Variants in RGL4 observed in about 807,000 individuals in gnomAD.
RGL4 encodes the protein ral guanine nucleotide dissociation stimulator like 4.
RGL4 carries 41 observed loss-of-function variants against 49.6 expected under a neutral mutation model. The observed-to-expected ratio is 0.83, with a 90% CI of 0.64 to 1.07. The LOEUF is 1.07. RGL4 is among the 50% of genes least tolerant of loss of function. The pLI is 0.00. For missense variants in RGL4, 610 were observed against 591.9 expected, an observed-to-expected ratio of 1.03 and a Z score of -0.32; for synonymous variants, 255 against 238.0, an observed-to-expected ratio of 1.07 and a Z score of -0.66.
chr22:23,698,713 G>A (rs1004637763), intron 10 of RGL4, 131 bp from the exon 11 acceptor site: 20 of 1,204,672 alleles, frequency 1.7e-5, no homozygotes, highest in Non-Finnish European at 2.2e-5. Flanking sequence ...CTATGGCCAT[G>A]CCTCCACGGC....
In RGL4 at chr22:23,699,048, G is replaced by C. The variant is rs1923727859; in HGVS notation, c.*165G>C. The C allele has an allele frequency of 6.5e-7, 1 of 1,545,556 alleles. No individual in the cohort carries two copies. Among genetic ancestry groups the C allele is most frequent in the Admixed American group, 2.0e-5 (1 of 50,958 alleles). ...TCCTCATCACCAACTGCTCCTGCTG[G>C]CCAGGATCAGGCCATGGGACTTTTG... On this transcript the variant is annotated 3_prime_UTR_variant, in exon 11 of 11. Coordinates refer to ENST00000290691, the MANE Select transcript of RGL4 (RefSeq NM_153615.2).
intron 9 of RGL4, 31 bp from the exon 10 acceptor site, chr22:23,698,181 G>C (rs755093884): frequency 6.3e-7 from 1 of 1,588,040 alleles, no homozygotes; most frequent in Non-Finnish European, 8.6e-7. Flanking sequence ...TTCCACCCAG[G>C]CCCTGTCAGC....
rs754676281 is a variant in RGL4, at chr22:23,692,388, A to G, written c.233A>G (p.Tyr78Cys). The G allele has an allele frequency of 6.2e-7, 1 of 1,614,222 alleles. No homozygotes were observed. Among genetic ancestry groups the G allele is most frequent in the Admixed American group, 1.7e-5 (1 of 60,036 alleles). ...CCCCCCGAAAACACTTCAGTTTACT[A>G]TCAGCCCCCGCAACGGTCATCTTTC... ...NWPPENTSVY[Y>C]QPPQRSSFRI... Residue 78 changes from tyrosine to cysteine, a missense_variant, in exon 2 of 11, where the codon TAT becomes TGT. By Grantham distance (194) the Tyr-to-Cys change is radical. Coordinates refer to ENST00000290691, the MANE Select transcript of RGL4 (RefSeq NM_153615.2).
In RGL4 at chr22:23,695,003, G is replaced by C. The variant is rs201370264; in HGVS notation, c.1070G>C (p.Arg357Thr). 175 of 1,612,416 alleles carry C rather than the reference G, an allele frequency of 1.1e-4. No individual in the cohort carries two copies. The highest frequency in any genetic ancestry group is 3.5e-4 in the Admixed American group (21 of 60,000). The part of the protein sequence containing the change: ...ELCKKDTAVK[R>T]DLLIKAGSFK... ...TGCAAAAAAGACACTGCAGTGAAGA[G>C]GGACCTACTGATCAAGGTACAGTGG... The change falls in exon 6 of 11, where the codon AGG becomes ACG. Residue 357 changes from arginine to threonine, a missense_variant. By Grantham distance (71) the Arg-to-Thr change is moderately conservative. Coordinates refer to ENST00000290691, the MANE Select transcript of RGL4 (RefSeq NM_153615.2).
At chr22:23,694,228 C>G (rs1923338826) in intron 4 of RGL4, 119 bp from the exon 5 acceptor site, 1 of 859,384 alleles carries the variant, frequency 1.2e-6, no homozygotes, top group African/African-American at 1.7e-5. Context: ...CAGGTCTGCC[C>G]TCCTGAGGCT....
chr22:23,693,370 A>G (rs1258885737), intron 3 of RGL4, among the ~76,000 whole-genome samples: 11 of 152,178 alleles, frequency 7.2e-5, no homozygotes, highest in Non-Finnish European at 1.3e-4. Context: ...ACCCAAACAG[A>G]GCCCATAGTT....
rs148165991 is a variant in RGL4, at chr22:23,694,963, G to C, written c.1030G>C (p.Glu344Gln). ...CTCTGCCCATAGCAAAAGCATGAAA[G>C]AGCTAAAAGAACTCTGCAAAAAAGA... The part of the protein sequence containing the change: ...WAGVSSKSMK[E>Q]LKELCKKDTA... Residue 344 changes from glutamate (E) to glutamine (Q), a missense_variant, in exon 6 of 11, where the codon GAG (glutamate) becomes CAG (glutamine). Coordinates refer to ENST00000290691, the MANE Select transcript of RGL4 (RefSeq NM_153615.2). The C allele has an allele frequency of 1.3e-4, 208 of 1,613,346 alleles. 1 individual carries two copies. The African/African-American group carries it at 2.1e-3, about 17-fold the overall frequency.
chr22:23,693,156 G>T, intron 3 of RGL4, 165 bp downstream of exon 3: 1 of 1,246,212 alleles, frequency 8.0e-7, no homozygotes, highest in African/African-American at 1.5e-5. Flanking sequence ...GTCTGCATGT[G>T]GACGGCAGAG....
In RGL4 at chr22:23,692,739, G is replaced by C. The variant is rs780100328; in HGVS notation, c.444G>C (p.Ala148=). ...PALEPAPPLL[A]DLGPALEPES... The stretch of plus-strand genomic sequence containing the variant: ...TGGAGCCAGCACCACCACTGCTGGC[G>C]GACCTGGGGCCTGCTCTGGAGCCAG... The change falls in exon 3 of 11, where the codon GCG becomes GCC. Residue 148 remains alanine, a synonymous_variant. Coordinates refer to ENST00000290691, the MANE Select transcript of RGL4 (RefSeq NM_153615.2). The C allele has an allele frequency of 1.2e-6, 2 of 1,613,260 alleles. No homozygotes were observed.
chr22:23,697,724 C>G, intron 8 of RGL4, 114 bp from the exon 9 acceptor site: 4 of 1,165,452 alleles, frequency 3.4e-6, no homozygotes, highest in Admixed American at 2.0e-5. Flanking sequence ...CAAGTCCTGT[C>G]GTGTGCACAT....
chr22:23,695,538 C>A, intron 6 of RGL4: 1 of 456,962 alleles, frequency 2.2e-6, no homozygotes, highest in Non-Finnish European at 4.2e-6. Flanking sequence ...GGGGGAACAA[C>A]AACAGAGGAA....
At position 23,694,945 on chromosome 22, in the gene RGL4, C is replaced by A; in HGVS notation, c.1017-5C>A. ...TTTACCCTTCTTTCTTTCCTCTGCC[C>A]ATAGCAAAAGCATGAAAGAGCTAAA... is the stretch of plus-strand genomic sequence containing the variant. On this transcript the variant is annotated splice_polypyrimidine_tract_variant and splice_region_variant and intron_variant, in intron 5 of 10. Transcript: ENST00000290691. The A allele has an allele frequency of 6.2e-7, 1 of 1,611,452 alleles. No individual in the cohort carries two copies. Among genetic ancestry groups the A allele is most frequent in the South Asian group, 1.1e-5 (1 of 90,944 alleles).
chr22:23,697,759 G>A, intron 8 of RGL4, 79 bp from the exon 9 acceptor site: 1 of 1,487,518 alleles, frequency 6.7e-7, no homozygotes, highest in Non-Finnish European at 9.2e-7. Context: ...GGCCCTGGCA[G>A]TAGTGCAGCA....
At chr22:23,697,954 A>T (rs1347959346) in intron 9 of RGL4, 93 bp downstream of exon 9, 9 of 1,448,364 alleles carry the variant, frequency 6.2e-6, no homozygotes, top group African/African-American at 1.4e-5. Context: ...CATCCTCTAC[A>T]TCTTAGGCTT....
chr22:23,698,949 A>T lies in RGL4; in HGVS notation c.*66A>T. On this transcript the variant is annotated 3_prime_UTR_variant, in exon 11 of 11. Transcript: ENST00000290691. ...CTGGCCAGAACACCGGCTCTGCACC[A>T]TCCCTCACCCAGACCGTAGACACCA... The T allele has an allele frequency of 4.4e-6, 7 of 1,591,732 alleles. No homozygotes were observed. The highest frequency in any genetic ancestry group is 5.1e-6 in the Non-Finnish European group (6 of 1,168,918).
At chr22:23,696,441 G>C (rs1273676003) in intron 6 of RGL4, 173 bp from the exon 7 acceptor site, 1 of 1,538,968 alleles carries the variant, frequency 6.5e-7, no homozygotes. Context: ...GTCTCAGGGA[G>C]GCCCGGCTGC....
chr22:23,694,032 C>T, intron 4 of RGL4, 58 bp downstream of exon 4: 1 of 1,460,120 alleles, frequency 6.8e-7, no homozygotes, highest in South Asian at 1.1e-5. Context: ...TTCCTCTTCT[C>T]CTCCATCGGC....
rs1200296495 is a variant in RGL4, at chr22:23,692,093, T to C, written c.63T>C (p.Ala21=). 8 of 1,614,042 alleles carry C rather than the reference T, an allele frequency of 5.0e-6. No homozygotes were observed. Among genetic ancestry groups the C allele is most frequent in the African/African-American group, 2.7e-5 (2 of 74,944 alleles). The change falls in exon 1 of 11, where the codon GCT becomes GCC. Residue 21 remains alanine, a synonymous_variant. Transcript: ENST00000290691. ...TCTTGAGTGCCCAGGTGTACAGTGC[T>C]GTGCTCCAGGGCCTTTGGGAAGAGA... The part of the protein sequence containing the change: ...AAVLSAQVYS[A]VLQGLWEENV...
At position 23,692,527 on chromosome 22, in the gene RGL4, T is replaced by C; in HGVS notation, c.372T>C (p.Asp124=). 1 of 1,612,900 alleles carries C rather than the reference T, an allele frequency of 6.2e-7. No homozygotes were observed. The highest frequency in any genetic ancestry group is 8.5e-7 in the Non-Finnish European group (1 of 1,179,160). Residue 124 remains aspartate (D), a splice_region_variant and synonymous_variant, in exon 2 of 11, where the codon GAT becomes GAC. Transcript: ENST00000290691. ...CGGAGCCCAACGAGGCCAAGCCAGATGGTGAGGGGGCTTGCAGTCTGCAAG... is the reference window on the plus strand; with the variant it reads ...CGGAGCCCAACGAGGCCAAGCCAGACGGTGAGGGGGCTTGCAGTCTGCAAG... ...VLPEPNEAKP[D]DPAPRPGQHA... is the part of the protein sequence containing the mutation.
Sources: gnomAD v4.1 joint callset for allele counts (sites outside exome capture counted in the v4.1 genomes callset) on GRCh38, gnomAD v4.1.1 for gene constraint, MANE v1.5 for transcripts, NCBI Gene and HGNC (gene_info 2026-07-23, HGNC 2026-07-21) for gene names.